The following LBH variants were observed in gnomAD, a reference collection of about 807,000 sequenced individuals.
The protein encoded by LBH is protein LBH.
A neutral mutation model predicts 12.5 loss-of-function variants in LBH; 7 were observed. That is an observed-to-expected ratio of 0.56 (90% CI 0.32 to 1.05). The LOEUF (loss-of-function observed/expected upper bound fraction) is 1.05, where lower values mean the gene tolerates loss of function less well. Ranked by LOEUF, LBH falls within the 50% of genes least tolerant of loss-of-function variation. The pLI is 0.04. For missense variants in LBH, 119 were observed against 138.9 expected (o/e 0.86, Z 0.72); for synonymous variants, 51 against 50.1 (o/e 1.02, Z -0.08).
chr2:30,251,823 A>G (rs1453170001), intron 2 of LBH, among the ~76,000 whole-genome samples: 1 of 152,162 alleles, frequency 6.6e-6, no homozygotes, highest in Admixed American at 6.5e-5. Context: ...TTTGTTGGAT[A>G]GATGATTTAG....
intron 2 of LBH, among the ~76,000 whole-genome samples, chr2:30,244,391 C>T (rs1677840782): frequency 6.6e-6 from 1 of 152,184 alleles, no homozygotes; most frequent in Non-Finnish European, 1.5e-5. Flanking sequence ...ACAGCTGCCT[C>T]TGGGGTTCAC....
In LBH at chr2:30,257,425, T is replaced by C; in HGVS notation, c.130-8T>C. 6.2e-7 allele frequency: 1 copy of C among 1,614,016 alleles called. No homozygotes were observed. On this transcript the variant is annotated splice_polypyrimidine_tract_variant and splice_region_variant and intron_variant, in intron 2 of 2. Coordinates refer to ENST00000395323, the MANE Select transcript of LBH (RefSeq NM_030915.4). ...CGTGACCAGGCACCTGCTCTGCTTTTCTTTCAGATCTTCCCAGACCCGTCA... is the reference window on the plus strand; with the variant it reads ...CGTGACCAGGCACCTGCTCTGCTTTCCTTTCAGATCTTCCCAGACCCGTCA...
intron 2 of LBH, among the ~76,000 whole-genome samples, chr2:30,243,001 A>G (rs1382321085): frequency 6.6e-6 from 1 of 152,266 alleles, no homozygotes; most frequent in Admixed American, 6.5e-5. Context: ...GTTTATCAAA[A>G]TATAAGCTCC....
chr2:30,248,716 G>A (rs1677920119), intron 2 of LBH, among the ~76,000 whole-genome samples: 1 of 152,154 alleles, frequency 6.6e-6, no homozygotes, highest in Admixed American at 6.5e-5. Flanking sequence ...CACTGCCCCG[G>A]AGAAAAAAGT....
chr2:30,238,074 G>A (rs1426176088), intron 2 of LBH, among the ~76,000 whole-genome samples: 1 of 152,150 alleles, frequency 6.6e-6, no homozygotes, highest in Non-Finnish European at 1.5e-5. Flanking sequence ...CTGCTTCTTT[G>A]GCTCCAGGGA....
intron 2 of LBH, among the ~76,000 whole-genome samples, chr2:30,248,631 C>A (rs1487743513): frequency 6.6e-6 from 1 of 152,116 alleles, no homozygotes; most frequent in Non-Finnish European, 1.5e-5. Flanking sequence ...AGTCTTCTTT[C>A]CAGAAGGTAA....
chr2:30,232,257 C>G (rs1323719232), intron 1 of LBH: 2 of 1,514,132 alleles, frequency 1.3e-6, no homozygotes, highest in Non-Finnish European at 1.8e-6. Flanking sequence ...GCGGGAAACG[C>G]TCTCCCCACA....
At chr2:30,234,534 C>G in intron 2 of LBH, 27 bp downstream of exon 2, 1 of 1,537,766 alleles carries the variant, frequency 6.5e-7, no homozygotes, top group Non-Finnish European at 9.0e-7. Flanking sequence ...TCCCCTCTGA[C>G]TCTCTAGAGC....
chr2:30,244,860 C>T (rs754009899), intron 2 of LBH, among the ~76,000 whole-genome samples: 3 of 152,094 alleles, frequency 2.0e-5, no homozygotes, highest in South Asian at 2.1e-4. Flanking sequence ...GAGCTGAGAT[C>T]GCACCACTGC....
Position 30,234,423 on chromosome 2 carries a change from G to T in LBH, c.45G>T (p.Ser15=), listed in dbSNP as rs141295319. 80 of 1,613,952 alleles carry T rather than the reference G, an allele frequency of 5.0e-5. No homozygotes were observed. The Middle Eastern group carries it at 9.9e-4, about 20-fold the overall frequency. The change falls in exon 2 of 3, where the codon TCG becomes TCT. Residue 15 remains serine (S), a synonymous_variant. Coordinates refer to ENST00000395323, the MANE Select transcript of LBH (RefSeq NM_030915.4). ...TTGGCAGCCCCGACTATCTGAGATC[G>T]GCCAAGATGACTGAGGTGATGATGA... ...FPIHCPDYLR[S]AKMTEVMMNT... is the part of the protein sequence containing the mutation.
In LBH at chr2:30,257,791, T is replaced by A; in HGVS notation, c.*170T>A. The A allele has an allele frequency of 6.0e-6, 1 of 165,956 alleles. No homozygotes were observed. Among genetic ancestry groups the A allele is most frequent in the Non-Finnish European group, 1.0e-5 (1 of 95,936 alleles). 10.3% of individuals were successfully genotyped at this position (165,956 alleles called of 1,614,324 possible). A position where few individuals can be genotyped will look rare whatever the true frequency, so the allele number is the denominator to read the frequency against. On this transcript the variant is annotated 3_prime_UTR_variant, in exon 3 of 3. Coordinates refer to ENST00000395323, the MANE Select transcript of LBH (RefSeq NM_030915.4). The stretch of plus-strand genomic sequence containing the variant: ...GTTGGTTTTCTTTTCTTTTCTTGCC[T>A]TTTTTTTTTTTTGAAATTTGCCGAG...
intron 1 of LBH, chr2:30,232,045 G>A: frequency 2.1e-6 from 3 of 1,396,484 alleles, no homozygotes; most frequent in Non-Finnish European, 1.9e-6. Context: ...CAGGGGTCAC[G>A]TGTGAATCCC....
Position 30,257,981 on chromosome 2 carries a change from G to A in LBH, c.*360G>A. The A allele has an allele frequency of 5.6e-6, 1 of 179,590 alleles. No individual in the cohort carries two copies. The highest frequency in any genetic ancestry group is 1.2e-5 in the Non-Finnish European group (1 of 85,210). 11.1% of individuals were successfully genotyped at this position (179,590 alleles called of 1,614,324 possible). A position where few individuals can be genotyped will look rare whatever the true frequency, so the allele number is the denominator to read the frequency against. On this transcript the variant is annotated 3_prime_UTR_variant, in exon 3 of 3. Transcript: ENST00000395323. The stretch of plus-strand genomic sequence containing the variant: ...GATTCCAATGGGTCTTGGTGGGTGG[G>A]AGGTGGGGCATGTGCAAAGCAAGCA...
chr2:30,234,154 A>G (rs60001273), intron 1 of LBH: 39,629 of 484,784 alleles, frequency 0.082, 2,005 homozygotes, highest in African/African-American at 0.15. Context: ...ACTAGAGTAC[A>G]GGAGAGGAGG....
intron 2 of LBH, among the ~76,000 whole-genome samples, chr2:30,237,722 G>A (rs928820571): frequency 6.6e-6 from 1 of 152,196 alleles, no homozygotes; most frequent in Admixed American, 6.5e-5. Flanking sequence ...TGGTCCTGGG[G>A]CAGTTAGGGC....
chr2:30,236,665 C>T (rs988162068), intron 2 of LBH, among the ~76,000 whole-genome samples: 1 of 152,200 alleles, frequency 6.6e-6, no homozygotes, highest in Non-Finnish European at 1.5e-5. Flanking sequence ...CTGTGCTGGC[C>T]TCTGTGCCCA....
At position 30,257,889 on chromosome 2, in the gene LBH, G is replaced by C. The variant is rs955479397; in HGVS notation, c.*268G>C. 3.4e-6 allele frequency: 1 copy of C among 297,498 alleles called. No homozygotes were observed. Among genetic ancestry groups the C allele is most frequent in the East Asian group, 7.4e-5 (1 of 13,450 alleles). The allele number at this position is 297,498 out of a possible 1,614,324, so 18.4% of individuals were successfully genotyped here. Reference sequence around the variant, plus strand: ...GCTTAGAGCCAGGGGGTTAGTGGGTGAGGGGAGCGAGTGCTGTTTTTGAGA... The same window carrying C: ...GCTTAGAGCCAGGGGGTTAGTGGGTCAGGGGAGCGAGTGCTGTTTTTGAGA... On this transcript the variant is annotated 3_prime_UTR_variant, in exon 3 of 3. Coordinates refer to ENST00000395323, the MANE Select transcript of LBH (RefSeq NM_030915.4).
At position 30,258,755 on chromosome 2, in the gene LBH, G is replaced by A. The variant is rs145099473; in HGVS notation, c.*1134G>A. The A allele has an allele frequency of 3.3e-4, 51 of 152,510 alleles. 1 individual carries two copies. The highest frequency in any genetic ancestry group is 1.2e-3 in the African/African-American group (48 of 41,554). The allele number at this position is 152,510 out of a possible 1,614,324, so 9.4% of individuals were successfully genotyped here. A position where few individuals can be genotyped will look rare whatever the true frequency, so the allele number is the denominator to read the frequency against. ...GCTTTTTATGTGTCTTGTTGGGGAG[G>A]TGACTTGCATGGTGGGGACAAGGCT... is the stretch of plus-strand genomic sequence containing the variant. On this transcript the variant is annotated 3_prime_UTR_variant, in exon 3 of 3. Coordinates refer to ENST00000395323, the MANE Select transcript of LBH (RefSeq NM_030915.4).
In LBH at chr2:30,231,913, C is replaced by T. The variant is rs535718544; in HGVS notation, c.26+149C>T. On this transcript the variant is annotated intron_variant, in intron 1 of 2. Transcript: ENST00000395323. Reference sequence around the variant, plus strand: ...CCGCCCGAGCCCGTGCAGGAGTCAACGTCAAGGTTGCAAAGGTGGGGGTGG... The same window carrying T: ...CCGCCCGAGCCCGTGCAGGAGTCAATGTCAAGGTTGCAAAGGTGGGGGTGG... 133 of 538,718 alleles carry T rather than the reference C, an allele frequency of 2.5e-4. No individual in the cohort carries two copies. The African/African-American group carries it at 3.1e-3, about 12-fold the overall frequency. The allele number at this position is 538,718 out of a possible 1,614,324, so 33.4% of individuals were successfully genotyped here. A position where few individuals can be genotyped will look rare whatever the true frequency, so the allele number is the denominator to read the frequency against.
Sources: allele counts gnomAD v4.1 joint callset (sites outside exome capture counted in the v4.1 genomes callset), GRCh38; gene constraint gnomAD v4.1.1; transcripts MANE v1.5; gene names NCBI Gene and HGNC (gene_info 2026-07-23, HGNC 2026-07-21).